The following ANKHD1 variants were observed in gnomAD, a reference collection of about 807,000 sequenced individuals.
ANKHD1 encodes ankyrin repeat and KH domain containing 1, also known as ankyrin repeat and KH domain-containing protein 1.
In ANKHD1, 31 loss-of-function variants were observed where a neutral mutation model predicts 230.5. The observed-to-expected ratio is 0.13, with a 90% CI of 0.10 to 0.18. The LOEUF is 0.18. ANKHD1 is among the 10% of genes least tolerant of loss of function. ANKHD1 has a pLI of 1.00. For missense variants in ANKHD1, 2,256 were observed against 3,071.3 expected, an observed-to-expected ratio of 0.73 and a Z score of 6.27; for synonymous variants, 1,074 against 1,117.6, an observed-to-expected ratio of 0.96 and a Z score of 0.78.
At chr5:140,422,057 A>G (rs1264112713) in intron 1 of ANKHD1, among the ~76,000 whole-genome samples, 2 of 152,212 alleles carry the variant, frequency 1.3e-5, no homozygotes, top group African/African-American at 2.4e-5. Flanking sequence ...CACATTTTGC[A>G]TAACAGAATT....
intron 29 of ANKHD1, among the ~76,000 whole-genome samples, chr5:140,532,570 A>G (rs1205911944): frequency 6.6e-6 from 1 of 152,130 alleles, no homozygotes; most frequent in Non-Finnish European, 1.5e-5. Context: ...CCAAAGAGAT[A>G]GGATTGCGGG....
chr5:140,516,584 A>T (rs373044354), intron 24 of ANKHD1, among the ~76,000 whole-genome samples: 2 of 152,112 alleles, frequency 1.3e-5, no homozygotes, highest in Non-Finnish European at 2.9e-5. Flanking sequence ...GACTAACAGC[A>T]GATCTCTCGG....
intron 6 of ANKHD1, among the ~76,000 whole-genome samples, chr5:140,448,032 C>T (rs1221123938): frequency 6.6e-6 from 1 of 152,072 alleles, no homozygotes; most frequent in Non-Finnish European, 1.5e-5. Context: ...CCTATAATCC[C>T]AGCATTTTGG....
At position 140,485,352 on chromosome 5, in the gene ANKHD1, T is replaced by G; in HGVS notation, c.1998+104T>G. 3 of 1,447,988 alleles carry G rather than the reference T, an allele frequency of 2.1e-6. No homozygotes were observed. The highest frequency in any genetic ancestry group is 2.7e-6 in the Non-Finnish European group (3 of 1,099,772). The allele number at this position is 1,447,988 out of a possible 1,614,324, so 89.7% of individuals were successfully genotyped here. ...CGGGTGGATCACTTGAGCCCAGGAG[T>G]TTGAGACTAGTCTAGGCAACATAAG... On this transcript the variant is annotated intron_variant, in intron 12 of 33. Coordinates refer to ENST00000360839, the MANE Select transcript of ANKHD1 (RefSeq NM_017747.3). This position sits in a 1 kb window ranked among gnomAD's most constrained non-coding sequence, Gnocchi z 4.8.
At chr5:140,448,999 T>C (rs1227308875) in intron 6 of ANKHD1, among the ~76,000 whole-genome samples, 1 of 152,226 alleles carries the variant, frequency 6.6e-6, no homozygotes, top group Non-Finnish European at 1.5e-5. Flanking sequence ...CTTGGACTAA[T>C]TCAGTCTTTA....
intron 21 of ANKHD1, 71 bp from the exon 22 acceptor site, chr5:140,509,948 A>G: frequency 6.5e-7 from 1 of 1,549,276 alleles, no homozygotes; most frequent in Non-Finnish European, 8.7e-7. Context: ...GTAAAAGAAG[A>G]AGATAGAGAA....
chr5:140,530,401 C>T (rs1019250758), intron 29 of ANKHD1, among the ~76,000 whole-genome samples: 3 of 151,998 alleles, frequency 2.0e-5, no homozygotes, highest in Non-Finnish European at 4.4e-5. Flanking sequence ...TTAGTAGAGA[C>T]GGGGTTTTGC....
At chr5:140,415,523 C>G (rs1771298906) in intron 1 of ANKHD1, among the ~76,000 whole-genome samples, 1 of 148,496 alleles carries the variant, frequency 6.7e-6, no homozygotes, top group African/African-American at 2.5e-5. Context: ...ACTGTAACCT[C>G]CACCTTCTGG....
At chr5:140,420,342 A>G (rs1413397882) in intron 1 of ANKHD1, among the ~76,000 whole-genome samples, 1 of 151,946 alleles carries the variant, frequency 6.6e-6, no homozygotes, top group Admixed American at 6.6e-5. Flanking sequence ...ATGACGCCCA[A>G]TTTATATATT....
intron 23 of ANKHD1, 34 bp downstream of exon 23, chr5:140,512,957 T>C (rs754541649): frequency 6.4e-7 from 1 of 1,553,430 alleles, no homozygotes; most frequent in Non-Finnish European, 8.7e-7. Context: ...CACATTTTTG[T>C]TCTTTGTGGA....
chr5:140,402,746 CG>C (rs1402143125), intron 1 of ANKHD1, among the ~76,000 whole-genome samples: 1 of 152,082 alleles, frequency 6.6e-6, no homozygotes, highest in African/African-American at 2.4e-5. Flanking sequence ...TGCTTAAGGA[CG>C]GTTCTTATTC....
At chr5:140,406,252 AT>A (rs937732103) in intron 1 of ANKHD1, among the ~76,000 whole-genome samples, 8 of 151,898 alleles carry the variant, frequency 5.3e-5, no homozygotes, top group African/African-American at 1.4e-4. Context: ...AAAAAAAAAA[AT>A]AAATTATTTT....
intron 1 of ANKHD1, among the ~76,000 whole-genome samples, chr5:140,430,684 C>T (rs1772968958): frequency 7.1e-6 from 1 of 141,084 alleles, no homozygotes; most frequent in African/African-American, 2.6e-5. Context: ...CAGAGTCTCA[C>T]TCTGTCGCCC....
rs1026853669 is a variant in ANKHD1, at chr5:140,434,208, C to CT, written c.307-1888dup. ...ATAATGTAGTCCAGATACTGTGGTC[C>CT]TTTTTTTTATAAATGTGTGATATCC... On this transcript the variant is annotated intron_variant, in intron 1 of 33. Transcript: ENST00000360839. Among the ~76,000 whole-genome samples, 25 of 151,588 alleles carry CT rather than the reference C, an allele frequency of 1.6e-4. No individual in the cohort carries two copies. The South Asian group carries it at 2.1e-3, about 13-fold the overall frequency.
At chr5:140,472,392 C>T (rs768179452) in intron 10 of ANKHD1, 15 of 1,543,262 alleles carry the variant, frequency 9.7e-6, no homozygotes, top group Non-Finnish European at 1.3e-5. Flanking sequence ...CAAGAAGTTC[C>T]AGGACCCTGC....
At position 140,402,153 on chromosome 5, in the gene ANKHD1, C is replaced by T. The variant is rs1561664481; in HGVS notation, c.186C>T (p.Gly62=). Residue 62 remains glycine, a synonymous_variant, in exon 1 of 34, where the codon GGC becomes GGT. Transcript: ENST00000360839. ...CGGGAGTCGGCAGCAGCGGCGGCGG[C>T]GGCAGCGGCAGCGGTACGGGCGGAG... is the stretch of plus-strand genomic sequence containing the variant. ...PASGVGSSGG[G]GSGSGTGGGD... The T allele has an allele frequency of 3.9e-6, 6 of 1,526,992 alleles. No individual in the cohort carries two copies. Among genetic ancestry groups the T allele is most frequent in the Middle Eastern group, 1.8e-4 (1 of 5,588 alleles). 94.6% of individuals were successfully genotyped at this position (1,526,992 alleles called of 1,614,324 possible).
At chr5:140,502,739 A>G (rs1752360762) in intron 15 of ANKHD1, among the ~76,000 whole-genome samples, 1 of 152,142 alleles carries the variant, frequency 6.6e-6, no homozygotes, top group African/African-American at 2.4e-5. Context: ...CTTTTAACTC[A>G]TTGAATGACA....
intron 11 of ANKHD1, among the ~76,000 whole-genome samples, chr5:140,483,074 A>G (rs1751354220): frequency 6.6e-6 from 1 of 152,142 alleles, no homozygotes; most frequent in African/African-American, 2.4e-5. Context: ...TCTTATTTAT[A>G]ATTTTTATAT....
intron 1 of ANKHD1, among the ~76,000 whole-genome samples, chr5:140,408,889 T>G (rs1246988337): frequency 6.6e-6 from 1 of 152,162 alleles, no homozygotes; most frequent in Non-Finnish European, 1.5e-5. Flanking sequence ...CCACAATACT[T>G]GGCTAGTATG....
Sources: allele counts gnomAD v4.1 joint callset (sites outside exome capture counted in the v4.1 genomes callset), GRCh38; gene constraint gnomAD v4.1.1; non-coding constraint Gnocchi (gnomAD v3.1); transcripts MANE v1.5; gene names NCBI Gene and HGNC (gene_info 2026-07-23, HGNC 2026-07-21).